The following ITPR2 variants were observed in gnomAD, a reference collection of about 807,000 sequenced individuals.
ITPR2 encodes inositol 1,4,5-trisphosphate receptor type 2.
Under a neutral mutation model 317.1 loss-of-function variants are expected in ITPR2, and 207 were observed. That is an observed-to-expected ratio of 0.65 (90% CI 0.58 to 0.73). The LOEUF (loss-of-function observed/expected upper bound fraction) is 0.73, where lower values mean the gene tolerates loss of function less well. Ranked by LOEUF, ITPR2 falls within the 30% of genes least tolerant of loss-of-function variation. ITPR2 has a pLI of 0.00. For missense variants in ITPR2, 2,613 were observed against 3,284.0 expected, an observed-to-expected ratio of 0.80 and a Z score of 4.99; for synonymous variants, 1,156 against 1,149.1, an observed-to-expected ratio of 1.01 and a Z score of -0.12.
intron 9 of ITPR2, among the ~76,000 whole-genome samples, chr12:26,699,815 AAAGT>A (rs1948413749): frequency 6.6e-6 from 1 of 152,218 alleles, no homozygotes; most frequent in Non-Finnish European, 1.5e-5. Flanking sequence ...AGTAATTCTT[AAAGT>A]AAGAGAGTAA....
chr12:26,456,082 C>T (rs3851603), intron 45 of ITPR2, among the ~76,000 whole-genome samples: 107,781 of 152,090 alleles, frequency 0.71, 38,506 homozygotes, highest in African/African-American at 0.78. Context: ...CCATCTTAAA[C>T]GGGGGCTGGA....
At chr12:26,474,531 C>T (rs1181857591) in intron 45 of ITPR2, among the ~76,000 whole-genome samples, 1 of 152,124 alleles carries the variant, frequency 6.6e-6, no homozygotes, top group African/African-American at 2.4e-5. Context: ...CGGTGGCTCA[C>T]GCCTGTAATC....
chr12:26,484,273 GA>G (rs962785271), intron 41 of ITPR2, among the ~76,000 whole-genome samples: 14 of 147,664 alleles, frequency 9.5e-5, no homozygotes, highest in South Asian at 2.2e-4. Context: ...CGGAAAAAGA[GA>G]AAAAAAAACT....
rs181555480 is a variant in ITPR2, at chr12:26,741,281, G to C, written c.164-15516C>G. Among the ~76,000 whole-genome samples, 23 of 152,338 alleles carry C rather than the reference G, an allele frequency of 1.5e-4. No individual in the cohort carries two copies. In the East Asian group the frequency reaches 2.7e-3, roughly 18 times the overall value. ...GGCAGTGCCTTCATTTTAATCTCTA[G>C]TTAAGAAGTTTAACAGGAGTAGCAA... On this transcript the variant is annotated intron_variant, in intron 2 of 56. Coordinates refer to ENST00000381340, the MANE Select transcript of ITPR2 (RefSeq NM_002223.4).
intron 52 of ITPR2, among the ~76,000 whole-genome samples, chr12:26,407,260 C>T (rs904854814): frequency 1.1e-4 from 17 of 152,100 alleles, no homozygotes; most frequent in Non-Finnish European, 2.4e-4. Context: ...CCTGGGAAGC[C>T]TTTTATAAGA....
intron 41 of ITPR2, among the ~76,000 whole-genome samples, chr12:26,484,377 A>G (rs1242122221): frequency 6.6e-6 from 1 of 152,130 alleles, no homozygotes; most frequent in African/African-American, 2.4e-5. Flanking sequence ...TTAATTATAA[A>G]TGATATAATC....
At chr12:26,745,966 T>C (rs544182743) in intron 2 of ITPR2, among the ~76,000 whole-genome samples, 1 of 152,304 alleles carries the variant, frequency 6.6e-6, no homozygotes, top group South Asian at 2.1e-4. Flanking sequence ...CTATAATACT[T>C]ACTATCCAAC....
At chr12:26,567,389 G>A (rs961135029) in intron 34 of ITPR2, among the ~76,000 whole-genome samples, 3 of 152,090 alleles carry the variant, frequency 2.0e-5, no homozygotes, top group Non-Finnish European at 2.9e-5. Context: ...GAGACTCCAC[G>A]ATCCCAAACT....
At position 26,624,284 on chromosome 12, in the gene ITPR2, T is replaced by C; in HGVS notation, c.3122+15A>G. On this transcript the variant is annotated intron_variant, in intron 24 of 56. Coordinates refer to ENST00000381340, the MANE Select transcript of ITPR2 (RefSeq NM_002223.4). ...TATTCACAAGTAAGATAAAGATATATAAATGTTACTATACCTTCCCGCAAA... is the reference window on the plus strand; with the variant it reads ...TATTCACAAGTAAGATAAAGATATACAAATGTTACTATACCTTCCCGCAAA... The C allele has an allele frequency of 1.3e-6, 2 of 1,543,216 alleles. No individual in the cohort carries two copies. Among genetic ancestry groups the C allele is most frequent in the Non-Finnish European group, 1.8e-6 (2 of 1,120,250 alleles).
intron 9 of ITPR2, among the ~76,000 whole-genome samples, chr12:26,699,956 T>C (rs1013460913): frequency 1.3e-5 from 2 of 152,230 alleles, no homozygotes; most frequent in African/African-American, 2.4e-5. Flanking sequence ...AGAGCTAATA[T>C]GCCATTCAAT....
intron 45 of ITPR2, among the ~76,000 whole-genome samples, chr12:26,470,670 C>A (rs1174581137): frequency 1.3e-5 from 2 of 152,028 alleles, no homozygotes; most frequent in African/African-American, 2.4e-5. Context: ...TCAGTTTGGC[C>A]AATATTTTTT....
At chr12:26,421,375 C>G (rs1940885298) in intron 49 of ITPR2, 1 of 152,130 alleles carries the variant, frequency 6.6e-6, no homozygotes, top group South Asian at 2.1e-4. Context: ...ACAGTGGCGT[C>G]TACCTATTTC....
rs1939692938 is a variant in ITPR2 at position 26,387,201 on chromosome 12, AGGAAATATCATCTGTGCACT to A, written c.7857+213_7857+232del. Among the ~76,000 whole-genome samples the A allele has an allele frequency of 2.6e-5, 4 of 152,338 alleles. No homozygotes were observed. In the South Asian group the frequency reaches 8.3e-4, roughly 32 times the overall value. Reference sequence around the variant, plus strand: ...GTGCTAGTCATTGCAAAGAGAATCCAGGAAATATCATCTGTGCACTGGAGACTCAAATTTGGTTTGAATAA... The same window carrying A: ...GTGCTAGTCATTGCAAAGAGAATCCAGGAGACTCAAATTTGGTTTGAATAA... On this transcript the variant is annotated intron_variant, in intron 55 of 56. Transcript: ENST00000381340.
At chr12:26,411,150 A>G (rs1017730091) in intron 52 of ITPR2, 170 bp downstream of exon 52, 4 of 566,506 alleles carry the variant, frequency 7.1e-6, no homozygotes, top group South Asian at 2.1e-5. Context: ...AAAATGACCA[A>G]TGTGGGAATC....
At chr12:26,769,448 C>T (rs2137145910) in intron 2 of ITPR2, among the ~76,000 whole-genome samples, 1 of 152,092 alleles carries the variant, frequency 6.6e-6, no homozygotes, top group East Asian at 1.9e-4. Flanking sequence ...CAGTTGACTT[C>T]GGCTTGAATA....
chr12:26,544,434 C>T (rs1374232912), intron 37 of ITPR2, among the ~76,000 whole-genome samples: 1 of 152,008 alleles, frequency 6.6e-6, no homozygotes, highest in Non-Finnish European at 1.5e-5. Flanking sequence ...ATACATCATA[C>T]AGAGAAGGCT....
intron 20 of ITPR2, 85 bp downstream of exon 20, chr12:26,655,623 A>AAAAAAAAAAGC (rs1947353516): frequency 8.1e-7 from 1 of 1,233,272 alleles, no homozygotes; most frequent in Non-Finnish European, 1.1e-6. Context: ...CAAAAAAAAA[A>AAAAAAAAAAGC]AAAAAAAAAG....
At chr12:26,373,021 G>A (rs555965308) in intron 55 of ITPR2, among the ~76,000 whole-genome samples, 5 of 152,306 alleles carry the variant, frequency 3.3e-5, no homozygotes, top group Non-Finnish European at 7.3e-5. Context: ...CAGCACAAGG[G>A]TGTAATCATG....
chr12:26,767,538 A>G (rs200795727), intron 2 of ITPR2, among the ~76,000 whole-genome samples: 2 of 152,086 alleles, frequency 1.3e-5, no homozygotes, highest in East Asian at 3.9e-4. Flanking sequence ...AAAATATCAC[A>G]CCTCTTTTCA....
Sources: gnomAD v4.1 joint callset for allele counts (sites outside exome capture counted in the v4.1 genomes callset) on GRCh38, gnomAD v4.1.1 for gene constraint, MANE v1.5 for transcripts, NCBI Gene and HGNC (gene_info 2026-07-23, HGNC 2026-07-21) for gene names.